The following ADPGK variants were observed in gnomAD, a reference collection of about 807,000 sequenced individuals.
ADPGK encodes the protein ADP dependent glucokinase, also known as ADP-dependent glucokinase.
In ADPGK, 26 loss-of-function variants were observed where a neutral mutation model predicts 42.4. That is an observed-to-expected ratio of 0.61 (90% CI 0.45 to 0.85). The LOEUF (loss-of-function observed/expected upper bound fraction) is 0.85. ADPGK is among the 40% of genes least tolerant of loss of function. The probability of loss-of-function intolerance (pLI) is 0.00; values close to 1 mark genes in which losing one functional copy is unlikely to be tolerated. For synonymous variants in ADPGK, 267 were observed against 252.6 expected (o/e 1.06, Z -0.54); for missense variants, 571 against 627.0 (o/e 0.91, Z 0.95).
chr15:72,752,794 G>C lies in ADPGK; in HGVS notation c.1041C>G (p.Asn347Lys), dbSNP rs779754216. 1 of 1,614,098 alleles carries C rather than the reference G, an allele frequency of 6.2e-7. No homozygotes were observed. The highest frequency in any genetic ancestry group is 1.3e-5 in the African/African-American group (1 of 74,932). Residue 347 changes from asparagine (N) to lysine (K), a missense_variant, in exon 7 of 7, where the codon AAC (asparagine) becomes AAG (lysine). Physicochemically the swap from Asn to Lys is moderately conservative, Grantham distance 94. Coordinates refer to ENST00000456471, the MANE Select transcript of ADPGK (RefSeq NM_001365225.1). ...SGPHSSLSSW[N>K]GVPDVGMVSD... ...TGACCATGCCCACATCAGGAACACC[G>C]TTCCAGGAAGAGAGAGAAGAGTGAG...
rs577908496 is a variant in ADPGK at position 72,752,201 on chromosome 15, G to A, written c.*140C>T. 5.3e-4 allele frequency: 445 copies of A among 836,764 alleles called. 4 individuals carry two copies. The highest frequency in any genetic ancestry group is 2.2e-3 in the South Asian group (106 of 48,778). 51.8% of individuals were successfully genotyped at this position (836,764 alleles called of 1,614,324 possible). ...GATTAAAATCTGAAATGTTTTTATG[G>A]AGTTGCCAACAGGCTGGAATGTACC... On this transcript the variant is annotated 3_prime_UTR_variant, in exon 7 of 7. Coordinates refer to ENST00000456471, the MANE Select transcript of ADPGK (RefSeq NM_001365225.1).
In ADPGK at chr15:72,752,349, G is replaced by A; in HGVS notation, c.1486C>T (p.His496Tyr). The change falls in exon 7 of 7, where the codon CAC (histidine) becomes TAC (tyrosine). Residue 496 changes from histidine to tyrosine, a missense_variant. Coordinates refer to ENST00000456471, the MANE Select transcript of ADPGK (RefSeq NM_001365225.1). ...EGLFYSEVHP[H>Y]Y is the part of the protein sequence containing the mutation. The stretch of plus-strand genomic sequence containing the variant: ...TACCCCTAAGAATCTTCCTAATAGT[G>A]AGGGTGTACTTCCGAATAGAAGAGT... 6.2e-7 allele frequency: 1 copy of A among 1,611,282 alleles called. No homozygotes were observed. The highest frequency in any genetic ancestry group is 8.5e-7 in the Non-Finnish European group (1 of 1,177,940).
chr15:72,759,244 T>C (rs1185909497), intron 4 of ADPGK, among the ~76,000 whole-genome samples: 2 of 152,170 alleles, frequency 1.3e-5, no homozygotes, highest in African/African-American at 4.8e-5. Context: ...CCAGGTCATC[T>C]TTTCATCCAA....
intron 4 of ADPGK, among the ~76,000 whole-genome samples, chr15:72,759,680 T>C (rs764766024): frequency 9.2e-5 from 14 of 151,452 alleles, no homozygotes; most frequent in Non-Finnish European, 1.9e-4. Context: ...GTCTTTAATG[T>C]GTATTAACAA....
In ADPGK at chr15:72,752,740, T is replaced by G. The variant is rs2066063575; in HGVS notation, c.1095A>C (p.Glu365Asp). 1 of 1,614,226 alleles carries G rather than the reference T, an allele frequency of 6.2e-7. No homozygotes were observed. Among genetic ancestry groups the G allele is most frequent in the Non-Finnish European group, 8.5e-7 (1 of 1,180,046 alleles). Residue 365 changes from glutamate to aspartate, a missense_variant, in exon 7 of 7, where the codon GAA (glutamate) becomes GAC (aspartate). Around this residue, in one of 2 missense-constraint regions of ADPGK, gnomAD observed 434 missense variants for 522.7 expected, o/e 0.83. Transcript: ENST00000456471. Reference protein sequence around the residue: ...VSDILFWILKEHGRSKSRASD... With the variant: ...VSDILFWILKDHGRSKSRASD... ...AGGCTCTGCTTTTACTCCTCCCATG[T>G]TCTTTCAAGATCCAGAAGAGGATGT... is the stretch of plus-strand genomic sequence containing the variant.
chr15:72,774,279 TGAG>T (rs966133315), intron 2 of ADPGK, among the ~76,000 whole-genome samples: 2 of 152,034 alleles, frequency 1.3e-5, no homozygotes, highest in Admixed American at 6.5e-5. Flanking sequence ...GAGGTTTAAA[TGAG>T]GAGGAAGAAT....
intron 1 of ADPGK, among the ~76,000 whole-genome samples, chr15:72,780,194 T>G (rs1566966306): frequency 6.6e-6 from 1 of 152,158 alleles, no homozygotes. Context: ...TTAATTGACT[T>G]ACAGTTCAGC....
intron 1 of ADPGK, chr15:72,783,123 T>C: frequency 8.6e-6 from 7 of 817,420 alleles, no homozygotes; most frequent in Non-Finnish European, 1.1e-5. Flanking sequence ...AGGTCAAGTA[T>C]CTTTGATTGC....
At position 72,768,040 on chromosome 15, in the gene ADPGK, GA is replaced by G. The variant is rs529654429; in HGVS notation, c.522+3742del. Among the ~76,000 whole-genome samples, 96 of 150,928 alleles carry G rather than the reference GA, an allele frequency of 6.4e-4. 2 individuals carry two copies. The highest frequency in any genetic ancestry group is 2.5e-4 in the Non-Finnish European group (17 of 67,722). On this transcript the variant is annotated intron_variant, in intron 3 of 6. Coordinates refer to ENST00000456471, the MANE Select transcript of ADPGK (RefSeq NM_001365225.1). Reference sequence around the variant, plus strand: ...ATAAACCTCTAGCCAAGCTGATCAGGAAAAAAAAGAAGATACAAATGACCAA... The same window carrying G: ...ATAAACCTCTAGCCAAGCTGATCAGGAAAAAAAGAAGATACAAATGACCAA...
chr15:72,778,066 T>C lies in ADPGK; in HGVS notation c.234-2969A>G, dbSNP rs532185160. ...GAGTTCCAGACCAGCCTGAGCAATA[T>C]AGCAAGACCCCGTCTCTACAAAAAA... is the stretch of plus-strand genomic sequence containing the variant. On this transcript the variant is annotated intron_variant, in intron 1 of 6. Coordinates refer to ENST00000456471, the MANE Select transcript of ADPGK (RefSeq NM_001365225.1). Among the ~76,000 whole-genome samples, 8 of 152,006 alleles carry C rather than the reference T, an allele frequency of 5.3e-5. No homozygotes were observed. The South Asian group carries it at 1.7e-3, about 32-fold the overall frequency.
intron 3 of ADPGK, among the ~76,000 whole-genome samples, chr15:72,766,279 A>G (rs2066257721): frequency 6.6e-6 from 1 of 152,182 alleles, no homozygotes; most frequent in South Asian, 2.1e-4. Flanking sequence ...GCCTGATTCC[A>G]ATTTTGAATG....
chr15:72,775,743 C>A (rs1025572124), intron 1 of ADPGK, among the ~76,000 whole-genome samples: 5 of 152,110 alleles, frequency 3.3e-5, no homozygotes, highest in African/African-American at 1.2e-4. Context: ...GACTTAGGCA[C>A]ACCTGCAGCA....
At chr15:72,764,659 T>C (rs899542025) in intron 3 of ADPGK, among the ~76,000 whole-genome samples, 2 of 152,234 alleles carry the variant, frequency 1.3e-5, no homozygotes, top group Non-Finnish European at 2.9e-5. Flanking sequence ...ACAGGTTCGA[T>C]GTATACAAAA....
intron 1 of ADPGK, among the ~76,000 whole-genome samples, chr15:72,782,252 C>A (rs1431070903): frequency 1.3e-5 from 2 of 152,064 alleles, no homozygotes; most frequent in African/African-American, 2.4e-5. Context: ...CAAGGAAGGA[C>A]AATTTAATCC....
rs377071353 is a variant in ADPGK at position 72,752,834 on chromosome 15, T to A, written c.1001A>T (p.Gln334Leu). The A allele has an allele frequency of 2.1e-4, 339 of 1,614,210 alleles. No individual in the cohort carries two copies. Among genetic ancestry groups the A allele is most frequent in the Admixed American group, 3.2e-4 (19 of 60,010 alleles). ...LNEQELLFLT[Q>L]SASGPHSSLS... The stretch of plus-strand genomic sequence containing the variant: ...AGAAGAGTGAGGTCCAGAGGCTGAC[T>A]GGGTGAGAAATAACAGCTCCTGTTC... Residue 334 changes from glutamine to leucine, a missense_variant, in exon 7 of 7, where the codon CAG becomes CTG. Transcript: ENST00000456471.
intron 3 of ADPGK, among the ~76,000 whole-genome samples, chr15:72,767,842 C>G (rs992720327): frequency 6.6e-6 from 1 of 152,102 alleles, no homozygotes; most frequent in Non-Finnish European, 1.5e-5. Flanking sequence ...GCACTAAACC[C>G]CTATATGAGA....
intron 6 of ADPGK, among the ~76,000 whole-genome samples, chr15:72,753,958 T>C (rs2066079169): frequency 6.6e-6 from 1 of 152,068 alleles, no homozygotes; most frequent in Non-Finnish European, 1.5e-5. Context: ...GCTTAACAAA[T>C]GTACCACTCT....
rs995975748 is a variant in ADPGK, at chr15:72,752,326, C to T, written c.*15G>A. ...TAGTTCTCCTTCCTCAGAAAAATTA[C>T]CCCTAAGAATCTTCCTAATAGTGAG... On this transcript the variant is annotated 3_prime_UTR_variant, in exon 7 of 7. Coordinates refer to ENST00000456471, the MANE Select transcript of ADPGK (RefSeq NM_001365225.1). 2 of 1,583,432 alleles carry T rather than the reference C, an allele frequency of 1.3e-6. No homozygotes were observed. The highest frequency in any genetic ancestry group is 1.7e-6 in the Non-Finnish European group (2 of 1,162,048).
intron 1 of ADPGK, chr15:72,783,205 A>G (rs149978049): frequency 1.5e-5 from 18 of 1,222,108 alleles, no homozygotes; most frequent in Non-Finnish European, 1.8e-5. Context: ...AAGGTGTCAG[A>G]CAAAGCGGGA....
Sources: allele counts gnomAD v4.1 joint callset (sites outside exome capture counted in the v4.1 genomes callset), GRCh38; gene constraint gnomAD v4.1.1; regional missense constraint gnomAD v4.1.1; transcripts MANE v1.5; gene names NCBI Gene and HGNC (gene_info 2026-07-23, HGNC 2026-07-21).